PDCD5: variants seen among roughly 807,000 people sequenced by gnomAD.
PDCD5 encodes the protein programmed cell death 5.
Under a neutral mutation model 21.9 loss-of-function variants are expected in PDCD5, and 23 were observed. The ratio of observed to expected loss-of-function variants is 1.05; its 90% CI spans 0.76 to 1.49. PDCD5 has a LOEUF of 1.49. Among genes scored for constraint, PDCD5 ranks in the 40% most tolerant of loss-of-function variants. The pLI is 0.00. For synonymous variants in PDCD5, 45 were observed against 49.4 expected (o/e 0.91, Z 0.37); for missense variants, 152 against 147.7 (o/e 1.03, Z -0.15).
rs61756021 is a variant in PDCD5, at chr19:32,585,823, C to T, written c.174C>T (p.Asn58=). 6,835 of 1,582,342 alleles carry T rather than the reference C, an allele frequency of 4.3e-3. 139 individuals carry two copies. In the East Asian group the frequency reaches 0.064, roughly 15 times the overall value. The change falls in exon 4 of 6, where the codon AAC becomes AAT. Residue 58 remains asparagine (N), a synonymous_variant. Transcript: ENST00000590247. ...TGTATTTTTTCTTTTTAGTAAGTAA[C>T]TTAGCACTTGTAAAGCCTGAAAAAA... ...LDQSARARLS[N]LALVKPEKTK...
intron 1 of PDCD5, 39 bp downstream of exon 1, chr19:32,581,366 G>C (rs932186160): frequency 3.6e-6 from 5 of 1,406,212 alleles, no homozygotes; most frequent in Admixed American, 2.5e-5. Context: ...GCCCTCGCGG[G>C]GCGCCGCCCT....
At chr19:32,581,472 T>C (rs909396883) in intron 1 of PDCD5, 145 bp downstream of exon 1, 4 of 436,592 alleles carry the variant, frequency 9.2e-6, no homozygotes, top group African/African-American at 8.3e-5. Context: ...CGTGGCCGGC[T>C]CAGAGGTGGC....
intron 4 of PDCD5, chr19:32,586,385 T>G: frequency 1.7e-6 from 2 of 1,201,954 alleles, no homozygotes; most frequent in Non-Finnish European, 2.1e-6. Flanking sequence ...CACCACAGCC[T>G]ACCCGAATTG....
At chr19:32,586,257 G>A (rs1387812025) in intron 4 of PDCD5, 1 of 1,427,178 alleles carries the variant, frequency 7.0e-7, no homozygotes, top group Non-Finnish European at 9.1e-7. Flanking sequence ...ATGAGAAGGT[G>A]CTAAGATGCC....
intron 2 of PDCD5, among the ~76,000 whole-genome samples, chr19:32,583,707 G>A (rs1044738200): frequency 6.6e-6 from 1 of 152,066 alleles, no homozygotes; most frequent in Admixed American, 6.5e-5. Context: ...GAAGCCTGTA[G>A]ACCCAGCTAC....
intron 1 of PDCD5, 159 bp downstream of exon 1, chr19:32,581,486 G>C (rs1007627832): frequency 2.5e-6 from 1 of 402,308 alleles, no homozygotes; most frequent in Non-Finnish European, 4.2e-6. Flanking sequence ...AGGTGGCCTC[G>C]TCGCTTTCCT....
Position 32,581,293 on chromosome 19 carries a change from G to C in PDCD5, c.32G>C (p.Arg11Thr), listed in dbSNP as rs1971421705. 1 of 1,530,680 alleles carries C rather than the reference G, an allele frequency of 6.5e-7. No homozygotes were observed. The highest frequency in any genetic ancestry group is 1.2e-5 in the South Asian group (1 of 81,894). The allele number at this position is 1,530,680 out of a possible 1,614,324, so 94.8% of individuals were successfully genotyped here. A position where few individuals can be genotyped will look rare whatever the true frequency, so the allele number is the denominator to read the frequency against. Residue 11 changes from arginine (R) to threonine (T), a missense_variant, in exon 1 of 6, where the codon AGA (arginine) becomes ACA (threonine). Coordinates refer to ENST00000590247, the MANE Select transcript of PDCD5 (RefSeq NM_004708.4). MADEELEALR[R>T]QRLAELQAKH... is the part of the protein sequence containing the mutation. ...GACGAGGAGCTTGAGGCGCTGAGGA[G>C]ACAGAGGCTGGCCGAGCTGCAGGCC...
chr19:32,581,226 G>C lies in PDCD5; in HGVS notation c.-36G>C, dbSNP rs548196920. ...CCGCGCTCGCGCCGAGGGGCTGCGA[G>C]AGTGACCGCGGCTGCTCCAGCGCTG... On this transcript the variant is annotated 5_prime_UTR_variant, in exon 1 of 6. Coordinates refer to ENST00000590247, the MANE Select transcript of PDCD5 (RefSeq NM_004708.4). 17 of 1,454,412 alleles carry C rather than the reference G, an allele frequency of 1.2e-5. No homozygotes were observed. The African/African-American group carries it at 2.3e-4, about 20-fold the overall frequency. 90.1% of individuals were successfully genotyped at this position (1,454,412 alleles called of 1,614,324 possible).
In PDCD5 at chr19:32,585,002, C is replaced by A. The variant is rs147553739; in HGVS notation, c.157C>A (p.Arg53=). ...ILAQVLDQSA[R]ARLSNLALVK... is the part of the protein sequence containing the mutation. ...AGCCCAAGTTCTGGATCAGTCGGCC[C>A]GGGCCAGGTGTAAGCATCTTTGATT... is the stretch of plus-strand genomic sequence containing the variant. The change falls in exon 3 of 6, where the codon CGG becomes AGG. Residue 53 remains arginine (R), a synonymous_variant. Coordinates refer to ENST00000590247, the MANE Select transcript of PDCD5 (RefSeq NM_004708.4). The A allele has an allele frequency of 2.5e-6, 4 of 1,613,318 alleles. No individual in the cohort carries two copies. In the South Asian group the frequency reaches 4.4e-5, roughly 18 times the overall value.
At chr19:32,585,196 C>T (rs1971464691) in intron 3 of PDCD5, among the ~76,000 whole-genome samples, 185 bp downstream of exon 3, 1 of 152,136 alleles carries the variant, frequency 6.6e-6, no homozygotes, top group South Asian at 2.1e-4. Context: ...AGTACCAGGT[C>T]ACTTCTCTTA....
intron 2 of PDCD5, 35 bp downstream of exon 2, chr19:32,582,267 GT>G: frequency 6.3e-7 from 1 of 1,574,914 alleles, no homozygotes; most frequent in South Asian, 1.1e-5. Context: ...TTGAAGGGTG[GT>G]TTCACCAAAT....
At chr19:32,587,008 A>G in intron 5 of PDCD5, 79 bp downstream of exon 5, 2 of 1,219,676 alleles carry the variant, frequency 1.6e-6, no homozygotes, top group Admixed American at 2.1e-5. Flanking sequence ...TCTACCACAC[A>G]TATTTTTCAG....
At chr19:32,584,348 A>C (rs1193085478) in intron 2 of PDCD5, among the ~76,000 whole-genome samples, 1 of 152,220 alleles carries the variant, frequency 6.6e-6, no homozygotes, top group Non-Finnish European at 1.5e-5. Context: ...CATTTGAAAG[A>C]AAAAAGAAAC....
intron 5 of PDCD5, 70 bp from the exon 6 acceptor site, chr19:32,587,183 A>G (rs1971485374): frequency 8.0e-7 from 1 of 1,247,744 alleles, no homozygotes; most frequent in Non-Finnish European, 1.2e-6. Flanking sequence ...ATTGGTAGAA[A>G]TCTTTTCTCG....
At chr19:32,582,294 T>A in intron 2 of PDCD5, 62 bp downstream of exon 2, 1 of 1,435,586 alleles carries the variant, frequency 7.0e-7, no homozygotes, top group Non-Finnish European at 9.8e-7. Flanking sequence ...TCTTTTGCTG[T>A]AGTTATTTTA....
At chr19:32,584,577 T>G (rs1459108958) in intron 2 of PDCD5, among the ~76,000 whole-genome samples, 1 of 152,120 alleles carries the variant, frequency 6.6e-6, no homozygotes, top group African/African-American at 2.4e-5. Flanking sequence ...TCTAAGAAAA[T>G]GATATAGATT....
chr19:32,581,799 TGGATGGATCACACGCCC>T (rs1282219383), intron 1 of PDCD5: 1 of 237,594 alleles, frequency 4.2e-6, no homozygotes, highest in Non-Finnish European at 8.0e-6. Context: ...CTGGGAAGCT[TGGATGGATCACACGCCC>T]GGAGAGGCGT....
intron 2 of PDCD5, among the ~76,000 whole-genome samples, chr19:32,583,184 G>A (rs549556119): frequency 6.6e-6 from 1 of 152,294 alleles, no homozygotes; most frequent in African/African-American, 2.4e-5. Context: ...GCCTAGTAGT[G>A]TGAATTCAGA....
chr19:32,582,055 C>T (rs570891297), intron 1 of PDCD5, 140 bp from the exon 2 acceptor site: 97 of 682,728 alleles, frequency 1.4e-4, no homozygotes, highest in Admixed American at 6.9e-4. Flanking sequence ...TCATTGATTT[C>T]TGTGAGGCCC....
Sources: allele counts gnomAD v4.1 joint callset (sites outside exome capture counted in the v4.1 genomes callset), GRCh38; gene constraint gnomAD v4.1.1; transcripts MANE v1.5; gene names NCBI Gene and HGNC (gene_info 2026-07-23, HGNC 2026-07-21).